MBNL1: variants seen among roughly 807,000 people sequenced by gnomAD.
MBNL1 encodes muscleblind-like protein 1.
In MBNL1, 8 loss-of-function variants were observed where a neutral mutation model predicts 42.2. That is an observed-to-expected ratio of 0.19 (90% CI 0.11 to 0.34). The LOEUF (loss-of-function observed/expected upper bound fraction) is 0.34, where lower values mean the gene tolerates loss of function less well. Among genes scored for constraint, MBNL1 ranks in the 10% least tolerant of loss-of-function variants. The probability of loss-of-function intolerance (pLI) is 1.00; values close to 1 mark genes in which losing one functional copy is unlikely to be tolerated. For missense variants in MBNL1, 309 were observed against 495.3 expected (o/e 0.62, Z 3.57); for synonymous variants, 169 against 173.9 (o/e 0.97, Z 0.22).
chr3:152,394,468 G>T (rs2097848543), intron 2 of MBNL1, among the ~76,000 whole-genome samples: 1 of 152,178 alleles, frequency 6.6e-6, no homozygotes, highest in African/African-American at 2.4e-5. Flanking sequence ...TAATTGTTCT[G>T]TGACCTTGTA....
intron 2 of MBNL1, among the ~76,000 whole-genome samples, chr3:152,348,197 T>C (rs986095973): frequency 1.3e-5 from 2 of 152,162 alleles, no homozygotes; most frequent in Non-Finnish European, 2.9e-5. Context: ...AACAAGCATC[T>C]GTCCCTTATG....
chr3:152,414,844 A>G (rs1424270103), intron 2 of MBNL1, 97 bp from the exon 3 acceptor site: 2 of 1,203,604 alleles, frequency 1.7e-6, no homozygotes, highest in Non-Finnish European at 2.4e-6. Flanking sequence ...TGAAAAACCA[A>G]TGATACATTC....
At chr3:152,307,323 A>G (rs1426728504) in intron 2 of MBNL1, among the ~76,000 whole-genome samples, 4 of 152,212 alleles carry the variant, frequency 2.6e-5, no homozygotes, top group Non-Finnish European at 5.9e-5. Context: ...TCACATTTTT[A>G]TAACTGGAAT....
chr3:152,460,077 A>G (rs905269239), intron 9 of MBNL1, among the ~76,000 whole-genome samples: 6 of 151,930 alleles, frequency 3.9e-5, no homozygotes, highest in Non-Finnish European at 5.9e-5. Flanking sequence ...AACATGGTCA[A>G]ACCCTGTCCT....
intron 2 of MBNL1, among the ~76,000 whole-genome samples, chr3:152,369,536 T>C (rs991287999): frequency 6.6e-6 from 1 of 152,148 alleles, no homozygotes; most frequent in African/African-American, 2.4e-5. Flanking sequence ...AAATGAGTGA[T>C]GGAGGAGTCC....
chr3:152,392,142 G>A (rs1310521691), intron 2 of MBNL1, among the ~76,000 whole-genome samples: 1 of 151,994 alleles, frequency 6.6e-6, no homozygotes, highest in African/African-American at 2.4e-5. Context: ...GTAAGTAGTG[G>A]CATAAAGACT....
chr3:152,363,979 A>G (rs1035408857), intron 2 of MBNL1, among the ~76,000 whole-genome samples: 23 of 152,142 alleles, frequency 1.5e-4, no homozygotes, highest in Admixed American at 1.4e-3. Context: ...TTGATCCTTC[A>G]TACAGCTGAT....
chr3:152,405,399 A>G (rs1320707167), intron 2 of MBNL1, among the ~76,000 whole-genome samples: 1 of 152,208 alleles, frequency 6.6e-6, no homozygotes, highest in Non-Finnish European at 1.5e-5. Flanking sequence ...GGGAATTAAC[A>G]TTGGTAAAGT....
At chr3:152,251,660 G>A (rs1311209749) in intron 2 of MBNL1, among the ~76,000 whole-genome samples, 1 of 151,808 alleles carries the variant, frequency 6.6e-6, no homozygotes, top group Non-Finnish European at 1.5e-5. Flanking sequence ...CCCATGATTA[G>A]ATTACGGTTA....
intron 1 of MBNL1, chr3:152,269,467 T>A: frequency 4.4e-6 from 2 of 453,100 alleles, no homozygotes; most frequent in Middle Eastern, 3.3e-4. Context: ...TGAGTCCCTC[T>A]GAGTCGAGCG....
chr3:152,292,302 G>T (rs568755783), intron 1 of MBNL1, among the ~76,000 whole-genome samples: 3 of 152,034 alleles, frequency 2.0e-5, no homozygotes, highest in Non-Finnish European at 2.9e-5. Context: ...GTTCTGTTTT[G>T]TCCTAAATAT....
intron 2 of MBNL1, among the ~76,000 whole-genome samples, chr3:152,383,512 A>G (rs947088997): frequency 6.6e-6 from 1 of 152,054 alleles, no homozygotes; most frequent in African/African-American, 2.4e-5. Context: ...TTACTGTTCC[A>G]TGAGTGTGGA....
chr3:152,297,274 T>TTA (rs1187385737), intron 1 of MBNL1, among the ~76,000 whole-genome samples: 29 of 149,758 alleles, frequency 1.9e-4, no homozygotes, highest in Non-Finnish European at 4.1e-4. Context: ...TTTTTTTTTT[T>TTA]ATAGAAACTG....
chr3:152,252,173 T>TTCCTTCCG (rs2034703828), intron 2 of MBNL1, among the ~76,000 whole-genome samples: 1 of 111,238 alleles, frequency 9.0e-6, no homozygotes, highest in South Asian at 3.2e-4. Context: ...CCTTCCTTCC[T>TTCCTTCCG]TCCTTCCCTC....
intron 8 of MBNL1, chr3:152,457,979 A>G: frequency 1.6e-6 from 1 of 610,864 alleles, no homozygotes; most frequent in Non-Finnish European, 3.0e-6. Context: ...TATTATATCT[A>G]CATATACATA....
intron 2 of MBNL1, among the ~76,000 whole-genome samples, chr3:152,329,093 G>A (rs2082364480): frequency 6.6e-6 from 1 of 152,064 alleles, no homozygotes; most frequent in African/African-American, 2.4e-5. Flanking sequence ...AGTAGGTAGG[G>A]GCAGGGGGAT....
At chr3:152,448,544 A>G (rs1333528720) in intron 6 of MBNL1, among the ~76,000 whole-genome samples, 1 of 152,174 alleles carries the variant, frequency 6.6e-6, no homozygotes, top group Non-Finnish European at 1.5e-5. Context: ...TTTACTAACC[A>G]GAAACTCAAA....
intron 2 of MBNL1, among the ~76,000 whole-genome samples, chr3:152,351,306 CATT>C (rs780315339): frequency 1.3e-5 from 2 of 152,114 alleles, no homozygotes; most frequent in Non-Finnish European, 1.5e-5. Context: ...TTCATTATGT[CATT>C]ATATTTTGTC....
chr3:152,323,463 G>GCA (rs565282540), intron 2 of MBNL1, among the ~76,000 whole-genome samples: 32 of 151,180 alleles, frequency 2.1e-4, no homozygotes, highest in South Asian at 1.0e-3. Context: ...ACACGTGCGT[G>GCA]CACACACACA....
Sources: gnomAD v4.1 joint callset for allele counts (sites outside exome capture counted in the v4.1 genomes callset) on GRCh38, gnomAD v4.1.1 for gene constraint, MANE v1.5 for transcripts, NCBI Gene and HGNC (gene_info 2026-07-23, HGNC 2026-07-21) for gene names.